Variants in ALOX12B observed in about 807,000 individuals in gnomAD.
The protein encoded by ALOX12B is arachidonate 12-lipoxygenase, 12R type.
Under a neutral mutation model 78.9 loss-of-function variants are expected in ALOX12B, and 47 were observed. The ratio of observed to expected loss-of-function variants is 0.60; its 90% confidence interval spans 0.47 to 0.76. The LOEUF is 0.76. Ranked by LOEUF, ALOX12B falls within the 30% of genes least tolerant of loss-of-function variation. The pLI, the probability that ALOX12B is intolerant of heterozygous loss-of-function variation, is 0.00. For missense variants in ALOX12B, 805 were observed against 922.6 expected (o/e 0.87, Z 1.65); for synonymous variants, 370 against 374.5 (o/e 0.99, Z 0.14).
chr17:8,078,650 C>T (rs1360733959), intron 8 of ALOX12B, among the ~76,000 whole-genome samples: 1 of 152,140 alleles, frequency 6.6e-6, no homozygotes. Flanking sequence ...GCACTTTGTA[C>T]TTCTGTACCT....
rs772154804 is a variant in ALOX12B, at chr17:8,079,921, C to T, written c.775G>A (p.Ala259Thr). ...TGGTACCCAAAGAAGGTGTCCTCTG[C>T]CCAGTGCTCGGCCACGTACTCTGCG... is the stretch of plus-strand genomic sequence containing the variant. ...VVSEYVAEHW[A>T]EDTFFGYQYL... is the part of the protein sequence containing the mutation. Residue 259 changes from alanine to threonine, a missense_variant, in exon 7 of 15, where the codon GCA (alanine) becomes ACA (threonine). By Grantham distance (58) the Ala-to-Thr change is moderately conservative (BLOSUM62 0). Transcript: ENST00000647874. This position sits in a 1 kb window ranked among gnomAD's most constrained non-coding sequence, Gnocchi z 6.4. The T allele has an allele frequency of 1.2e-6, 2 of 1,612,556 alleles. No homozygotes were observed. The highest frequency in any genetic ancestry group is 1.7e-6 in the Non-Finnish European group (2 of 1,179,614).
chr17:8,072,675 T>C lies in ALOX12B; in HGVS notation c.*96A>G. 1 of 1,522,596 alleles carries C rather than the reference T, an allele frequency of 6.6e-7. No individual in the cohort carries two copies. The highest frequency in any genetic ancestry group is 1.1e-5 in the South Asian group (1 of 88,546). 94.3% of individuals were successfully genotyped at this position (1,522,596 alleles called of 1,614,324 possible). A position where few individuals can be genotyped will look rare whatever the true frequency, so the allele number is the denominator to read the frequency against. ...TTGTTTTTTTGTTTGTTTGGTGTTTTGGTCTCTGAGGTTTTTGTGTTTTTT... is the reference window on the plus strand; with the variant it reads ...TTGTTTTTTTGTTTGTTTGGTGTTTCGGTCTCTGAGGTTTTTGTGTTTTTT... On this transcript the variant is annotated 3_prime_UTR_variant, in exon 15 of 15. Coordinates refer to ENST00000647874, the MANE Select transcript of ALOX12B (RefSeq NM_001139.3).
chr17:8,073,463 G>A (rs1424620857), intron 13 of ALOX12B, 145 bp from the exon 14 acceptor site: 3 of 1,172,162 alleles, frequency 2.6e-6, no homozygotes, highest in Admixed American at 3.9e-5. Flanking sequence ...TTAGACTGGG[G>A]GTGGGGCTGG....
At chr17:8,073,824 C>T in intron 12 of ALOX12B, 67 bp from the exon 13 acceptor site, 2 of 1,253,906 alleles carry the variant, frequency 1.6e-6, no homozygotes, top group Non-Finnish European at 2.3e-6. Context: ...CGGCAGAGGG[C>T]GCCACCATGC....
rs1483255717 is a variant in ALOX12B at position 8,079,454 on chromosome 17, G to A, written c.1013C>T (p.Ala338Val). Residue 338 changes from alanine to valine, a missense_variant, in exon 8 of 15, where the codon GCC becomes GTC. Transcript: ENST00000647874. The surrounding 1 kb of genome is among the most constrained non-coding windows in gnomAD (Gnocchi z 6.4). ...ELSGRKQHHC[A>V]PLCLLHFGPE... ...TCCAAAGTGCAGCAGGCAGAGGGGGGCGCAGTGGTGCTGCTTCCGGCCGCT... is the reference window on the plus strand; with the variant it reads ...TCCAAAGTGCAGCAGGCAGAGGGGGACGCAGTGGTGCTGCTTCCGGCCGCT... 4 of 1,551,018 alleles carry A rather than the reference G, an allele frequency of 2.6e-6. No individual in the cohort carries two copies. The East Asian group carries it at 9.8e-5, about 38-fold the overall frequency.
intron 8 of ALOX12B, among the ~76,000 whole-genome samples, chr17:8,078,122 T>C (rs1379821178): frequency 1.7e-5 from 2 of 118,890 alleles, no homozygotes; most frequent in African/African-American, 8.1e-5. Context: ...TCATTTTATT[T>C]ATTTATTTAT....
chr17:8,076,801 C>T, intron 9 of ALOX12B, 58 bp from the exon 10 acceptor site: 1 of 1,511,252 alleles, frequency 6.6e-7, no homozygotes, highest in Non-Finnish European at 9.0e-7. Flanking sequence ...CAAAGGAGCT[C>T]AGCTCCCCAT....
Position 8,075,854 on chromosome 17 carries a change from G to A in ALOX12B, c.1533-138C>T, listed in dbSNP as rs1244369716. 3.5e-6 allele frequency: 5 copies of A among 1,425,884 alleles called. No homozygotes were observed. The African/African-American group carries it at 4.2e-5, about 12-fold the overall frequency. The allele number at this position is 1,425,884 out of a possible 1,614,324, so 88.3% of individuals were successfully genotyped here. A position where few individuals can be genotyped will look rare whatever the true frequency, so the allele number is the denominator to read the frequency against. Reference sequence around the variant, plus strand: ...AGGCCTGTGGGAGGGCAAGTCCTGTGGGGCAGAAGTGGAGAGGATGGCTTG... The same window carrying A: ...AGGCCTGTGGGAGGGCAAGTCCTGTAGGGCAGAAGTGGAGAGGATGGCTTG... On this transcript the variant is annotated intron_variant, in intron 11 of 14. Coordinates refer to ENST00000647874, the MANE Select transcript of ALOX12B (RefSeq NM_001139.3).
Position 8,073,838 on chromosome 17 carries a change from G to A in ALOX12B, c.1655-81C>T, listed in dbSNP as rs1285386711. On this transcript the variant is annotated intron_variant, in intron 12 of 14. Transcript: ENST00000647874. ...CCGGCAGAGGGCGCCACCATGCCCC[G>A]CTCTCACCGTTTTGCAAAAGCTTCA... 3.5e-6 allele frequency: 4 copies of A among 1,134,422 alleles called. No homozygotes were observed. In the East Asian group the frequency reaches 7.5e-5, roughly 21 times the overall value. 70.3% of individuals were successfully genotyped at this position (1,134,422 alleles called of 1,614,324 possible). A position where few individuals can be genotyped will look rare whatever the true frequency, so the allele number is the denominator to read the frequency against.
intron 12 of ALOX12B, among the ~76,000 whole-genome samples, chr17:8,074,612 C>T (rs1178604212): frequency 1.3e-5 from 2 of 150,908 alleles, no homozygotes; most frequent in Non-Finnish European, 2.9e-5. Context: ...CTAACTGTCT[C>T]CTGACTGCCA....
Position 8,080,436 on chromosome 17 carries a change from C to T in ALOX12B, c.651-98G>A. 6.8e-7 allele frequency: 1 copy of T among 1,461,182 alleles called. No homozygotes were observed. The highest frequency in any genetic ancestry group is 9.6e-7 in the Non-Finnish European group (1 of 1,042,550). 90.5% of individuals were successfully genotyped at this position (1,461,182 alleles called of 1,614,324 possible). ...GCCCCATCCACTTAGGTCTCTGGGT[C>T]TCAGGGTCTGTGCGTCGCAAAGTCT... On this transcript the variant is annotated intron_variant, in intron 5 of 14. Transcript: ENST00000647874. This position sits in a 1 kb window ranked among gnomAD's most constrained non-coding sequence, Gnocchi z 4.8.
chr17:8,080,557 G>A lies in ALOX12B; in HGVS notation c.650+101C>T, dbSNP rs748086901. 4.8e-5 allele frequency: 75 copies of A among 1,576,396 alleles called. No individual in the cohort carries two copies. Among genetic ancestry groups the A allele is most frequent in the Admixed American group, 1.4e-4 (8 of 56,692 alleles). ...CGTTTCAGCTCCCTCTGCCTTCCTG[G>A]CCATTCCAACCTCTGGGGCTGTCTT... is the stretch of plus-strand genomic sequence containing the variant. On this transcript the variant is annotated intron_variant, in intron 5 of 14. Coordinates refer to ENST00000647874, the MANE Select transcript of ALOX12B (RefSeq NM_001139.3). This position sits in a 1 kb window ranked among gnomAD's most constrained non-coding sequence, Gnocchi z 4.8.
rs1384613481 is a variant in ALOX12B at position 8,076,708 on chromosome 17, G to A, written c.1311C>T (p.Ile437=). ...LIPHTRYTVQ[I]NSIGRAVLLN... is the part of the protein sequence containing the mutation. ...GGAGAACGGCCCGGCCAATGCTGTT[G>A]ATCTGGACGGTGTATCGGGTATGGG... The change falls in exon 10 of 15, where the codon ATC becomes ATT. Residue 437 remains isoleucine (I), a synonymous_variant. Transcript: ENST00000647874. The A allele has an allele frequency of 6.4e-7, 1 of 1,551,018 alleles. No individual in the cohort carries two copies. The highest frequency in any genetic ancestry group is 8.7e-7 in the Non-Finnish European group (1 of 1,147,104).
intron 2 of ALOX12B, 60 bp from the exon 3 acceptor site, chr17:8,081,247 A>T (rs1441069225): frequency 6.4e-7 from 1 of 1,556,790 alleles, no homozygotes; most frequent in Non-Finnish European, 8.9e-7. Flanking sequence ...CACTTCAGGA[A>T]GCAGGAGTTC....
intron 2 of ALOX12B, among the ~76,000 whole-genome samples, chr17:8,083,273 C>T (rs147832079): frequency 6.6e-5 from 10 of 152,032 alleles, no homozygotes; most frequent in Middle Eastern, 6.8e-3. Flanking sequence ...CAATAAAATC[C>T]GAATTTCAAA....
Position 8,077,055 on chromosome 17 carries a change from G to C in ALOX12B, c.1210C>G (p.Leu404Val). ...EAIAHLLETH[L>V]IAEAFCLALL... Reference sequence around the variant, plus strand: ...GCCAGGCAGAAGGCCTCAGCAATGAGGTGTGTCTCCAGCAGGTGGGCGATG... The same window carrying C: ...GCCAGGCAGAAGGCCTCAGCAATGACGTGTGTCTCCAGCAGGTGGGCGATG... The change falls in exon 9 of 15, where the codon CTC becomes GTC. Residue 404 changes from leucine (L) to valine (V), a missense_variant. Transcript: ENST00000647874. The C allele has an allele frequency of 1.2e-6, 2 of 1,614,066 alleles. No homozygotes were observed. The highest frequency in any genetic ancestry group is 1.7e-6 in the Non-Finnish European group (2 of 1,180,010).
intron 12 of ALOX12B, among the ~76,000 whole-genome samples, chr17:8,074,428 T>C (rs1977042141): frequency 6.6e-6 from 1 of 151,948 alleles, no homozygotes; most frequent in African/African-American, 2.4e-5. Flanking sequence ...GTTGCAAAAG[T>C]CTGAAACGTG....
chr17:8,084,384 G>T (rs1031650339), intron 2 of ALOX12B, among the ~76,000 whole-genome samples: 53 of 152,142 alleles, frequency 3.5e-4, no homozygotes, highest in African/African-American at 1.3e-3. Context: ...CCCTGGAGTT[G>T]TGCAACCCAG....
chr17:8,072,660 G>T lies in ALOX12B; in HGVS notation c.*111C>A. 2.7e-5 allele frequency: 40 copies of T among 1,461,726 alleles called. No homozygotes were observed. The highest frequency in any genetic ancestry group is 1.7e-4 in the Admixed American group (9 of 53,902). 90.5% of individuals were successfully genotyped at this position (1,461,726 alleles called of 1,614,324 possible). A position where few individuals can be genotyped will look rare whatever the true frequency, so the allele number is the denominator to read the frequency against. ...GGAAAGGAAGGTTTTTTGTTTTTTT[G>T]TTTGTTTGGTGTTTTGGTCTCTGAG... is the stretch of plus-strand genomic sequence containing the variant. On this transcript the variant is annotated 3_prime_UTR_variant, in exon 15 of 15. Coordinates refer to ENST00000647874, the MANE Select transcript of ALOX12B (RefSeq NM_001139.3).
Sources: gnomAD v4.1 joint callset for allele counts (sites outside exome capture counted in the v4.1 genomes callset) on GRCh38, gnomAD v4.1.1 for gene constraint, Gnocchi (gnomAD v3.1) non-coding constraint, MANE v1.5 for transcripts, NCBI Gene and HGNC (gene_info 2026-07-23, HGNC 2026-07-21) for gene names.